Variants in CGNL1 observed in about 807,000 individuals in gnomAD.
CGNL1 encodes cingulin-like protein 1.
Under a neutral mutation model 141.2 loss-of-function variants are expected in CGNL1, and 132 were observed. The ratio of observed to expected loss-of-function variants is 0.93; its 90% CI spans 0.81 to 1.08. CGNL1 has a LOEUF of 1.08. CGNL1 is among the 50% of genes least tolerant of loss of function. CGNL1 has a pLI of 0.00. For missense variants in CGNL1, 1,870 were observed against 1,588.6 expected (o/e 1.18, Z -3.01); for synonymous variants, 690 against 622.1 (o/e 1.11, Z -1.63).
chr15:57,451,695 A>G (rs28475445), intron 5 of CGNL1, 94 bp downstream of exon 5: 47,211 of 827,500 alleles, frequency 0.057, 1,548 homozygotes, highest in South Asian at 0.089. Context: ...GTGAAAGCCA[A>G]TTTTTTTTCC....
In CGNL1 at chr15:57,451,204, C is replaced by T. The variant is rs1369590300; in HGVS notation, c.1804-296C>T. ...CATTACGGACTTCTAACAAATATGC[C>T]ATGTATGCAAGTTTTAGTCATATTG... On this transcript the variant is annotated intron_variant, in intron 4 of 18. Coordinates refer to ENST00000281282, the MANE Select transcript of CGNL1 (RefSeq NM_032866.5). Among the ~76,000 whole-genome samples, 3 of 152,018 alleles carry T rather than the reference C, an allele frequency of 2.0e-5. No homozygotes were observed. In the East Asian group the frequency reaches 5.8e-4, roughly 29 times the overall value.
At chr15:57,462,699 C>T (rs1486343039) in intron 8 of CGNL1, among the ~76,000 whole-genome samples, 1 of 152,112 alleles carries the variant, frequency 6.6e-6, no homozygotes, top group Non-Finnish European at 1.5e-5. Context: ...GCCCTCTCTC[C>T]CCTAAGCCCT....
At chr15:57,436,104 T>C (rs2063102270) in intron 1 of CGNL1, among the ~76,000 whole-genome samples, 1 of 152,142 alleles carries the variant, frequency 6.6e-6, no homozygotes, top group African/African-American at 2.4e-5. Context: ...AGAGAAACTA[T>C]CTAGAAAATA....
At chr15:57,399,647 C>T (rs1309812557) in intron 1 of CGNL1, among the ~76,000 whole-genome samples, 2 of 151,264 alleles carry the variant, frequency 1.3e-5, no homozygotes, top group South Asian at 2.1e-4. Flanking sequence ...GATTTTACAT[C>T]TTCATGACAA....
chr15:57,461,831 T>C lies in CGNL1; in HGVS notation c.2342T>C (p.Leu781Pro), dbSNP rs1462980816. 10 of 1,613,894 alleles carry C rather than the reference T, an allele frequency of 6.2e-6. No homozygotes were observed. The highest frequency in any genetic ancestry group is 1.7e-5 in the Admixed American group (1 of 59,992). The change falls in exon 8 of 19, where the codon CTG becomes CCG. Residue 781 changes from leucine to proline, a missense_variant. Leu to Pro is a moderately conservative substitution (Grantham distance 98, BLOSUM62 -3). Coordinates refer to ENST00000281282, the MANE Select transcript of CGNL1 (RefSeq NM_032866.5). ...AGCCATGATCAGGAGATGGACAAGC[T>C]GAAGGAGCAATATGATGCTGAGTTG... ...VSSHDQEMDK[L>P]KEQYDAELQA...
chr15:57,462,314 T>C (rs1480644797), intron 8 of CGNL1, among the ~76,000 whole-genome samples: 3 of 152,174 alleles, frequency 2.0e-5, no homozygotes, highest in Non-Finnish European at 4.4e-5. Context: ...GTCTGTTCCT[T>C]TTGATTTTGT....
intron 1 of CGNL1, among the ~76,000 whole-genome samples, chr15:57,419,859 A>G (rs1381093903): frequency 6.6e-6 from 1 of 152,182 alleles, no homozygotes; most frequent in Non-Finnish European, 1.5e-5. Flanking sequence ...AGAAGTGAGG[A>G]GTTATGTTCC....
At chr15:57,504,195 G>A (rs748560457) in intron 8 of CGNL1, among the ~76,000 whole-genome samples, 10 of 152,210 alleles carry the variant, frequency 6.6e-5, no homozygotes, top group Admixed American at 4.6e-4. Context: ...CTGGCCACAT[G>A]CTATGTACTT....
chr15:57,458,912 T>C (rs1257422077), intron 7 of CGNL1, among the ~76,000 whole-genome samples: 1 of 152,232 alleles, frequency 6.6e-6, no homozygotes, highest in East Asian at 1.9e-4. Flanking sequence ...AGTTAGATTC[T>C]TGATGGGCAA....
intron 8 of CGNL1, among the ~76,000 whole-genome samples, chr15:57,467,686 CTTTT>C (rs140789370): frequency 9.3e-6 from 1 of 107,410 alleles, no homozygotes; most frequent in African/African-American, 3.5e-5. Context: ...GAGTCTCTGT[CTTTT>C]TTTTTTTTTT....
At chr15:57,509,629 C>A (rs1344026774) in intron 8 of CGNL1, among the ~76,000 whole-genome samples, 2 of 152,194 alleles carry the variant, frequency 1.3e-5, no homozygotes, top group Non-Finnish European at 2.9e-5. Context: ...GTGAACACTT[C>A]TAAATGTGGG....
chr15:57,532,693 A>G (rs774121827), intron 14 of CGNL1, among the ~76,000 whole-genome samples: 5 of 152,182 alleles, frequency 3.3e-5, no homozygotes, highest in African/African-American at 9.7e-5. Flanking sequence ...TGTACTGCTA[A>G]TTAACTTGTC....
At chr15:57,391,787 A>G (rs1347141885) in intron 1 of CGNL1, among the ~76,000 whole-genome samples, 1 of 152,140 alleles carries the variant, frequency 6.6e-6, no homozygotes, top group African/African-American at 2.4e-5. Flanking sequence ...TTTGCCTTCA[A>G]GCTTGTTTCC....
At chr15:57,540,894 C>T (rs1315462084) in intron 14 of CGNL1, among the ~76,000 whole-genome samples, 4 of 152,350 alleles carry the variant, frequency 2.6e-5, no homozygotes, top group South Asian at 4.1e-4. Context: ...CGTGTGCACT[C>T]GCAGACACAT....
At chr15:57,429,981 T>G (rs2063024959) in intron 1 of CGNL1, among the ~76,000 whole-genome samples, 1 of 152,166 alleles carries the variant, frequency 6.6e-6, no homozygotes, top group Non-Finnish European at 1.5e-5. Flanking sequence ...CAGCTAATTT[T>G]TGTATTTTTC....
At chr15:57,429,533 T>C (rs951836404) in intron 1 of CGNL1, among the ~76,000 whole-genome samples, 1 of 151,812 alleles carries the variant, frequency 6.6e-6, no homozygotes, top group Non-Finnish European at 1.5e-5. Flanking sequence ...TTATCTCTGG[T>C]TGGGAGGTTT....
intron 1 of CGNL1, among the ~76,000 whole-genome samples, chr15:57,387,158 G>C (rs995437767): frequency 6.6e-6 from 1 of 152,150 alleles, no homozygotes; most frequent in Non-Finnish European, 1.5e-5. Context: ...GAACTGCCTA[G>C]TCTAGATATT....
chr15:57,509,243 G>A (rs532834585), intron 8 of CGNL1, among the ~76,000 whole-genome samples: 12 of 152,318 alleles, frequency 7.9e-5, no homozygotes, highest in Admixed American at 2.0e-4. Flanking sequence ...ACACTGGAGC[G>A]TGGGGGTGGC....
intron 8 of CGNL1, among the ~76,000 whole-genome samples, chr15:57,494,208 T>C (rs1240970569): frequency 6.6e-6 from 1 of 152,236 alleles, no homozygotes; most frequent in Non-Finnish European, 1.5e-5. Flanking sequence ...ACTAGTGACT[T>C]ACTATTCTCA....
Sources: gnomAD v4.1 joint callset for allele counts (sites outside exome capture counted in the v4.1 genomes callset) on GRCh38, gnomAD v4.1.1 for gene constraint, MANE v1.5 for transcripts, NCBI Gene and HGNC (gene_info 2026-07-23, HGNC 2026-07-21) for gene names.